SETD3: variants seen among roughly 807,000 people sequenced by gnomAD.
The protein encoded by SETD3 is actin-histidine N-methyltransferase.
A neutral mutation model predicts 63.0 loss-of-function variants in SETD3; 19 were observed. That is an observed-to-expected ratio of 0.30 (90% CI 0.21 to 0.44). The LOEUF is 0.44. Among genes scored for constraint, SETD3 ranks in the 20% least tolerant of loss-of-function variants. The pLI, the probability that SETD3 is intolerant of heterozygous loss-of-function variation, is 1.00. For synonymous variants in SETD3, 286 were observed against 264.1 expected (o/e 1.08, Z -0.80); for missense variants, 587 against 728.5 (o/e 0.81, Z 2.24).
chr14:99,418,280 A>G (rs1224253523), intron 6 of SETD3, among the ~76,000 whole-genome samples: 2 of 152,196 alleles, frequency 1.3e-5, no homozygotes, highest in African/African-American at 4.8e-5. Context: ...ATGCCATGCA[A>G]TTAAATTTTT....
intron 6 of SETD3, among the ~76,000 whole-genome samples, chr14:99,439,721 T>C (rs1326774540): frequency 6.7e-6 from 1 of 148,312 alleles, no homozygotes; most frequent in Non-Finnish European, 1.5e-5. Flanking sequence ...TATAAATATA[T>C]GTATTTATAT....
At chr14:99,476,021 A>G (rs1895954863) in intron 1 of SETD3, among the ~76,000 whole-genome samples, 1 of 152,214 alleles carries the variant, frequency 6.6e-6, no homozygotes, top group African/African-American at 2.4e-5. Context: ...GTCCTATGGA[A>G]GTTCTCCAAT....
intron 6 of SETD3, among the ~76,000 whole-genome samples, chr14:99,449,092 C>T (rs1031730805): frequency 3.9e-5 from 6 of 152,036 alleles, no homozygotes; most frequent in African/African-American, 1.4e-4. Flanking sequence ...GAGTCCATAC[C>T]GATATGAACA....
intron 6 of SETD3, among the ~76,000 whole-genome samples, chr14:99,448,437 G>C (rs1894261536): frequency 6.6e-6 from 1 of 152,160 alleles, no homozygotes; most frequent in Non-Finnish European, 1.5e-5. Context: ...CGCTCCGACA[G>C]AACAGTTCCA....
At chr14:99,421,030 T>C (rs1403016680) in intron 6 of SETD3, among the ~76,000 whole-genome samples, 1 of 127,362 alleles carries the variant, frequency 7.9e-6, no homozygotes, top group African/African-American at 3.1e-5. Flanking sequence ...AAATCTTTCG[T>C]TTCTTTGCCT....
intron 1 of SETD3, among the ~76,000 whole-genome samples, chr14:99,480,054 A>C (rs984315133): frequency 1.3e-5 from 2 of 152,144 alleles, no homozygotes; most frequent in Non-Finnish European, 2.9e-5. Flanking sequence ...GCCTCTCCCT[A>C]GTAGGGCACT....
chr14:99,444,741 G>A (rs1443430287), intron 6 of SETD3, among the ~76,000 whole-genome samples: 1 of 151,944 alleles, frequency 6.6e-6, no homozygotes, highest in Non-Finnish European at 1.5e-5. Flanking sequence ...ACGCTGACGT[G>A]GGAAGATGGC....
intron 6 of SETD3, among the ~76,000 whole-genome samples, chr14:99,435,989 G>A (rs1893458679): frequency 6.6e-6 from 1 of 152,066 alleles, no homozygotes; most frequent in Non-Finnish European, 1.5e-5. Context: ...GGAGGCCTCA[G>A]GAAACTCACA....
intron 1 of SETD3, 148 bp from the exon 2 acceptor site, chr14:99,465,961 T>C (rs1277612147): frequency 9.2e-6 from 5 of 544,152 alleles, no homozygotes; most frequent in Non-Finnish European, 1.3e-5. Flanking sequence ...AAAAGAAATG[T>C]GTAGTATTAG....
chr14:99,431,554 C>T (rs1893182701), intron 6 of SETD3, among the ~76,000 whole-genome samples: 1 of 151,822 alleles, frequency 6.6e-6, no homozygotes, highest in African/African-American at 2.4e-5. Context: ...TGCAGTGGCG[C>T]GATCTCAGCT....
intron 9 of SETD3, 95 bp downstream of exon 9, chr14:99,406,421 C>T (rs1199417486): frequency 9.0e-7 from 1 of 1,116,050 alleles, no homozygotes; most frequent in African/African-American, 1.6e-5. Context: ...CACATTTTTT[C>T]CCCTAAGTTA....
chr14:99,484,226 A>G (rs1252586362), upstream of SETD3, among the ~76,000 whole-genome samples: 2 of 152,212 alleles, frequency 1.3e-5, no homozygotes, highest in African/African-American at 4.8e-5. Flanking sequence ...CTAGCTGTGA[A>G]TTAGTCAGGT....
intron 6 of SETD3, among the ~76,000 whole-genome samples, chr14:99,416,957 C>T (rs1319145220): frequency 2.0e-5 from 3 of 151,966 alleles, no homozygotes; most frequent in African/African-American, 7.3e-5. Context: ...GTACCGAGTA[C>T]AAAATAATCA....
At chr14:99,481,346 C>A, upstream of SETD3, 1 of 398,520 alleles carries the variant, frequency 2.5e-6, no homozygotes, top group Admixed American at 4.4e-5. Context: ...AGGCATCCTA[C>A]TCTCTCCGCC....
chr14:99,485,152 A>G (rs1595302597), upstream of SETD3, among the ~76,000 whole-genome samples: 1 of 152,198 alleles, frequency 6.6e-6, no homozygotes, highest in Non-Finnish European at 1.5e-5. Flanking sequence ...TAATATTTTC[A>G]CTACATTTCA....
intron 6 of SETD3, among the ~76,000 whole-genome samples, chr14:99,453,177 T>C (rs1894559947): frequency 6.6e-6 from 1 of 152,180 alleles, no homozygotes; most frequent in Non-Finnish European, 1.5e-5. Context: ...AGCAAAGGCC[T>C]AACGTCTGAT....
At chr14:99,443,287 G>A (rs938337840) in intron 6 of SETD3, among the ~76,000 whole-genome samples, 9 of 133,624 alleles carry the variant, frequency 6.7e-5, no homozygotes, top group African/African-American at 2.6e-4. Context: ...TTGAGATGGA[G>A]TGTCACTCTG....
intron 6 of SETD3, among the ~76,000 whole-genome samples, chr14:99,420,730 G>C (rs1595172727): frequency 6.6e-6 from 1 of 151,960 alleles, no homozygotes; most frequent in African/African-American, 2.4e-5. Context: ...ATTTGAGAAA[G>C]CTCTATTCTA....
chr14:99,413,154 C>G, intron 7 of SETD3, 89 bp from the exon 8 acceptor site: 1 of 695,498 alleles, frequency 1.4e-6, no homozygotes, highest in Admixed American at 2.6e-5. Flanking sequence ...TAGGTTTGAT[C>G]TCTTACAAAC....
Sources: gnomAD v4.1 joint callset for allele counts (sites outside exome capture counted in the v4.1 genomes callset) on GRCh38, gnomAD v4.1.1 for gene constraint, MANE v1.5 for transcripts, NCBI Gene and HGNC (gene_info 2026-07-23, HGNC 2026-07-21) for gene names.